ZNF438: variants seen among roughly 807,000 people sequenced by gnomAD.
ZNF438 encodes the protein zinc finger protein 438.
Under a neutral mutation model 38.0 loss-of-function variants are expected in ZNF438, and 25 were observed. The observed-to-expected ratio is 0.66, with a 90% CI of 0.48 to 0.92. ZNF438 has a LOEUF of 0.92. ZNF438 is among the 40% of genes least tolerant of loss of function. The probability of loss-of-function intolerance (pLI) is 0.00; values close to 1 mark genes in which losing one functional copy is unlikely to be tolerated. For missense variants in ZNF438, 1,007 were observed against 999.6 expected (o/e 1.01, Z -0.10); for synonymous variants, 372 against 364.1 (o/e 1.02, Z -0.25).
chr10:30,861,087 C>T (rs912637111), intron 4 of ZNF438, among the ~76,000 whole-genome samples: 1 of 152,150 alleles, frequency 6.6e-6, no homozygotes, highest in Non-Finnish European at 1.5e-5. Context: ...TTGTCCCTTA[C>T]CATCTGTGGG....
intron 1 of ZNF438, among the ~76,000 whole-genome samples, chr10:31,015,474 T>C (rs932178706): frequency 2.0e-5 from 3 of 152,036 alleles, no homozygotes; most frequent in Non-Finnish European, 2.9e-5. Context: ...TGAAACCCCG[T>C]CTCTACTAAA....
rs145145855 is a variant in ZNF438 at position 30,915,253 on chromosome 10, C to T, written c.-114-6238G>A. Reference sequence around the variant, plus strand: ...GTCATTTAGAACCTTAACTTCAATACTTAGGATGAAATTGGCATAATATTC... The same window carrying T: ...GTCATTTAGAACCTTAACTTCAATATTTAGGATGAAATTGGCATAATATTC... On this transcript the variant is annotated intron_variant, in intron 2 of 5. Transcript: ENST00000413025. Among the ~76,000 whole-genome samples, 220 of 152,096 alleles carry T rather than the reference C, an allele frequency of 1.4e-3. 1 individual carries two copies. The highest frequency in any genetic ancestry group is 4.8e-3 in the African/African-American group (200 of 41,504).
intron 1 of ZNF438, among the ~76,000 whole-genome samples, chr10:30,985,525 C>G (rs2052672871): frequency 6.6e-6 from 1 of 152,202 alleles, no homozygotes; most frequent in Admixed American, 6.5e-5. Flanking sequence ...CCAGAAAAAT[C>G]AGTTAATTCC....
chr10:30,848,382 T>G, intron 5 of ZNF438, 149 bp downstream of exon 6: 1 of 913,904 alleles, frequency 1.1e-6, no homozygotes, highest in South Asian at 1.9e-5. Context: ...AGATCATTCT[T>G]CACAGATCTA....
intron 1 of ZNF438, among the ~76,000 whole-genome samples, chr10:31,003,328 G>A (rs2054836724): frequency 6.6e-6 from 1 of 152,156 alleles, no homozygotes; most frequent in African/African-American, 2.4e-5. Flanking sequence ...TACCGTGGGA[G>A]GACCAGCCCT....
intron 1 of ZNF438, among the ~76,000 whole-genome samples, chr10:31,012,496 AAT>A (rs1000153721): frequency 1.1e-3 from 161 of 152,258 alleles, no homozygotes; most frequent in African/African-American, 3.6e-3. Context: ...TTATACACAT[AAT>A]ATATGTTAAT....
chr10:31,013,569 C>G (rs971433386), intron 1 of ZNF438, among the ~76,000 whole-genome samples: 10 of 152,112 alleles, frequency 6.6e-5, no homozygotes, highest in African/African-American at 1.9e-4. Flanking sequence ...CCTCACTGAC[C>G]AACAAACACA....
At chr10:31,015,221 T>A (rs941873371) in intron 1 of ZNF438, among the ~76,000 whole-genome samples, 3 of 152,200 alleles carry the variant, frequency 2.0e-5, no homozygotes, top group African/African-American at 4.8e-5. Flanking sequence ...ATAATCATCA[T>A]TGCTGATTGC....
intron 1 of ZNF438, among the ~76,000 whole-genome samples, chr10:30,982,099 CTTT>C (rs538801257): frequency 2.2e-5 from 2 of 90,824 alleles, no homozygotes; most frequent in African/African-American, 3.2e-5. Context: ...TTTTCTCTTT[CTTT>C]TTTTTTTTTT....
intron 1 of ZNF438, among the ~76,000 whole-genome samples, chr10:30,955,586 C>T (rs959831326): frequency 6.6e-6 from 1 of 152,212 alleles, no homozygotes; most frequent in African/African-American, 2.4e-5. Flanking sequence ...TCTGCCCAGG[C>T]ACCCTGTATA....
intron 3 of ZNF438, among the ~76,000 whole-genome samples, chr10:30,893,720 T>G (rs1341342721): frequency 1.3e-5 from 2 of 152,186 alleles, no homozygotes; most frequent in Non-Finnish European, 2.9e-5. Flanking sequence ...TTGTCCATAC[T>G]AAGTGGTTTA....
intron 2 of ZNF438, among the ~76,000 whole-genome samples, chr10:30,911,484 G>A (rs542765976): frequency 2.6e-5 from 4 of 152,076 alleles, no homozygotes; most frequent in Non-Finnish European, 5.9e-5. Flanking sequence ...CATGCCTCCC[G>A]TCTCCTTCTC....
chr10:30,999,993 G>C (rs2054481142), intron 1 of ZNF438, among the ~76,000 whole-genome samples: 1 of 152,062 alleles, frequency 6.6e-6, no homozygotes. Flanking sequence ...GAAGGAATAG[G>C]TATATTTTCT....
exon 5 of ZNF438, chr10:30,849,530 A>T (rs776108551): frequency 1.2e-6 from 2 of 1,614,230 alleles, no homozygotes; most frequent in East Asian, 4.5e-5. Context: ...TGGGATTGGC[A>T]GTTTCCCTTT....
chr10:30,937,923 T>A (rs1029448601), intron 2 of ZNF438, among the ~76,000 whole-genome samples: 1 of 152,206 alleles, frequency 6.6e-6, no homozygotes, highest in Admixed American at 6.5e-5. Context: ...AGGAGGGCAT[T>A]CATGGTTCTC....
intron 3 of ZNF438, among the ~76,000 whole-genome samples, chr10:30,880,950 A>C (rs530411529): frequency 5.9e-5 from 9 of 152,326 alleles, no homozygotes; most frequent in East Asian, 1.9e-4. Flanking sequence ...TTAAAAAAAA[A>C]CAACCCTTTA....
intron 2 of ZNF438, among the ~76,000 whole-genome samples, chr10:30,911,733 T>C (rs2134580966): frequency 6.6e-6 from 1 of 152,196 alleles, no homozygotes; most frequent in South Asian, 2.1e-4. Flanking sequence ...TCCTCAAACC[T>C]TCAGTACTAT....
At position 30,964,357 on chromosome 10, in the gene ZNF438, T is replaced by C. The variant is rs1272281600; in HGVS notation, c.-191-22706A>G. 2.6e-5 allele frequency among the ~76,000 whole-genome samples: 4 copies of C among 152,354 alleles called. No individual in the cohort carries two copies. The East Asian group carries it at 7.7e-4, about 29-fold the overall frequency. On this transcript the variant is annotated intron_variant, in intron 1 of 5. Coordinates refer to ENST00000413025, the Ensembl canonical transcript of ZNF438. ...TTTCTCCTTCCTCAAAGCTACCTGA[T>C]TCTTGTCCATGCCTCTCACTTAGCT...
At chr10:30,988,510 G>C (rs1209063531) in intron 1 of ZNF438, among the ~76,000 whole-genome samples, 1 of 152,008 alleles carries the variant, frequency 6.6e-6, no homozygotes, top group East Asian at 1.9e-4. Flanking sequence ...CAGAGAAAGA[G>C]AGAGATAACA....
Sources: gnomAD v4.1 joint callset for allele counts (sites outside exome capture counted in the v4.1 genomes callset) on GRCh38, gnomAD v4.1.1 for gene constraint, MANE v1.5 for transcripts, NCBI Gene and HGNC (gene_info 2026-07-23, HGNC 2026-07-21) for gene names.